CEP170B: variants seen among roughly 807,000 people sequenced by gnomAD.
The protein encoded by CEP170B is centrosomal protein of 170 kDa protein B.
A neutral mutation model predicts 120.6 loss-of-function variants in CEP170B; 55 were observed. The observed-to-expected ratio is 0.46, with a 90% CI of 0.37 to 0.57. CEP170B has a LOEUF of 0.57. CEP170B is among the 20% of genes least tolerant of loss of function. The probability of loss-of-function intolerance (pLI) is 0.00; values close to 1 mark genes in which losing one functional copy is unlikely to be tolerated. For missense variants in CEP170B, 2,212 were observed against 2,253.3 expected (o/e 0.98, Z 0.37); for synonymous variants, 1,033 against 954.5 (o/e 1.08, Z -1.52).
Position 104,887,884 on chromosome 14 carries a change from GGC to G in CEP170B, c.3646_3647del (p.Ala1216CysfsTer57). On this transcript the variant is annotated frameshift_variant, in exon 12 of 19. Coordinates refer to ENST00000414716, the MANE Select transcript of CEP170B (RefSeq NM_001112726.3). LOFTEE classifies it high-confidence loss of function. ...GCAAGCCCACCATGGCCGAAGCACG[GGC>G]TGTCTCCAGGAAGGCTGCCAACACA... Reference protein sequence around the residue: ...SRKPTMAEARAVSRKAANTAT... With the variant: ...SRKPTMAEARXVSRKAANTAT... The G allele has an allele frequency of 6.4e-7, 1 of 1,565,196 alleles. No individual in the cohort carries two copies. The highest frequency in any genetic ancestry group is 8.6e-7 in the Non-Finnish European group (1 of 1,159,802).
intron 5 of CEP170B, among the ~76,000 whole-genome samples, chr14:104,879,020 G>A (rs1896006232): frequency 6.6e-6 from 1 of 152,222 alleles, no homozygotes; most frequent in African/African-American, 2.4e-5. Context: ...CGTTCAGAGG[G>A]CCAGGAGGGT....
chr14:104,885,381 T>C lies in CEP170B; in HGVS notation c.1783T>C (p.Leu595=), dbSNP rs1284783011. 3 of 1,565,292 alleles carry C rather than the reference T, an allele frequency of 1.9e-6. No individual in the cohort carries two copies. Among genetic ancestry groups the C allele is most frequent in the South Asian group, 1.2e-5 (1 of 84,978 alleles). The change falls in exon 10 of 19, where the codon TTG becomes CTG. Residue 595 remains leucine (L), a synonymous_variant. Transcript: ENST00000414716. ...RKMIDQVFGV[L]ESPELSRASS... Reference sequence around the variant, plus strand: ...TTCCTCTTGGCAGGTCTTTGGGGTGTTGGAGTCCCCTGAACTCTCCAGGGC... The same window carrying C: ...TTCCTCTTGGCAGGTCTTTGGGGTGCTGGAGTCCCCTGAACTCTCCAGGGC...
chr14:104,879,986 C>T (rs895375412), intron 5 of CEP170B, among the ~76,000 whole-genome samples: 4 of 152,106 alleles, frequency 2.6e-5, no homozygotes, highest in South Asian at 2.1e-4. Context: ...ATGGCACAAG[C>T]GGCCCTGCTG....
rs548599735 is a variant in CEP170B, at chr14:104,886,086, G to A, written c.1991G>A (p.Arg664His). The A allele has an allele frequency of 1.2e-5, 18 of 1,546,494 alleles. No homozygotes were observed. The Admixed American group carries it at 1.8e-4, about 15-fold the overall frequency. The change falls in exon 11 of 19, where the codon CGC (arginine) becomes CAC (histidine). Residue 664 changes from arginine (R) to histidine (H), a missense_variant. Arg to His is a conservative substitution (Grantham distance 29). Transcript: ENST00000414716. ...CCTGGGGGTCAGAAGTGGGTGTCCC[G>A]CTGGGCCAGCCTGGCTGACAGCTAC... ...GSPGGQKWVS[R>H]WASLADSYSD...
upstream of CEP170B, chr14:104,865,136 C>T (rs1437675436): frequency 1.4e-5 from 2 of 147,266 alleles, no homozygotes; most frequent in African/African-American, 5.0e-5. The surrounding 1 kb of genome is among the most constrained non-coding windows in gnomAD (Gnocchi z 6.7). Flanking sequence ...GCGGGCTCAC[C>T]TGGCGGCCGC....
At chr14:104,893,384 G>GC in intron 14 of CEP170B, 139 bp from the exon 15 acceptor site, 1 of 1,164,196 alleles carries the variant, frequency 8.6e-7, no homozygotes, top group Non-Finnish European at 1.2e-6. Context: ...CCATGGCGGG[G>GC]CAGGGGCACA....
At chr14:104,872,337 TGCGTGTGTGTGCGTGTGTGTGCC>T in intron 2 of CEP170B, among the ~76,000 whole-genome samples, 1 of 116,154 alleles carries the variant, frequency 8.6e-6, no homozygotes, top group South Asian at 3.1e-4. Context: ...TGCGTGGGTG[TGCGTGTGTGTGCGTGTGTGTGCC>T]GCGTGTGTGT....
chr14:104,876,614 C>T (rs936081438), intron 3 of CEP170B, among the ~76,000 whole-genome samples: 12 of 152,194 alleles, frequency 7.9e-5, no homozygotes, highest in African/African-American at 2.9e-4. Flanking sequence ...AATCTGGCCC[C>T]TCTCCCAGAT....
At position 104,887,485 on chromosome 14, in the gene CEP170B, A is replaced by C; in HGVS notation, c.3246A>C (p.Pro1082=). Residue 1082 remains proline, a synonymous_variant, in exon 12 of 19, where the codon CCA becomes CCC. Coordinates refer to ENST00000414716, the MANE Select transcript of CEP170B (RefSeq NM_001112726.3). ...GACGGCTAGGTTCTCGCCGGAAACCAGCGGCCCCACCGCCATCCCCAGCTG... is the reference window on the plus strand; with the variant it reads ...GACGGCTAGGTTCTCGCCGGAAACCCGCGGCCCCACCGCCATCCCCAGCTG... ...GAGRLGSRRK[P]AAPPPSPAAR... 6.2e-7 allele frequency: 1 copy of C among 1,611,898 alleles called. No individual in the cohort carries two copies. The highest frequency in any genetic ancestry group is 8.5e-7 in the Non-Finnish European group (1 of 1,179,626).
At position 104,868,458 on chromosome 14, in the gene CEP170B, C is replaced by T. The variant is rs1014751713; in HGVS notation, c.8C>T (p.Ala3Val). MS[A>V]TSWFLVSSSG... is the part of the protein sequence containing the mutation. ...GGCCCAGCCAGCACCAAGATGAGTG[C>T]CACGTCCTGGTTCCTGGTGAGCAGC... Residue 3 changes from alanine to valine, a missense_variant, in exon 2 of 19, where the codon GCC becomes GTC. Physicochemically the swap from Ala to Val is moderately conservative, Grantham distance 64 (BLOSUM62 0). This residue lies in a region of CEP170B where 46 missense variants were observed against 86.6 expected (regional missense o/e 0.53). Transcript: ENST00000414716. This position sits in a 1 kb window ranked among gnomAD's most constrained non-coding sequence, Gnocchi z 5.9. 6 of 1,548,528 alleles carry T rather than the reference C, an allele frequency of 3.9e-6. No homozygotes were observed. The African/African-American group carries it at 5.5e-5, about 14-fold the overall frequency.
intron 2 of CEP170B, among the ~76,000 whole-genome samples, chr14:104,872,192 G>A (rs1461159208): frequency 1.4e-5 from 2 of 147,546 alleles, no homozygotes; most frequent in Non-Finnish European, 3.0e-5. Context: ...TGTGCTGTGT[G>A]TGTGCCGTGG....
In CEP170B at chr14:104,883,937, G is replaced by T. The variant is rs546867082; in HGVS notation, c.1158G>T (p.Leu386=). 2 of 1,603,412 alleles carry T rather than the reference G, an allele frequency of 1.2e-6. No homozygotes were observed. The highest frequency in any genetic ancestry group is 1.7e-6 in the Non-Finnish European group (2 of 1,175,550). ...AGGCCAGCGGGGAGCAGGTGCGGCT[G>T]CAGAGGCAGATCAAGCGGGACCCCC... ...PLEASGEQVR[L]QRQIKRDPQE... The change falls in exon 9 of 19, where the codon CTG becomes CTT. Residue 386 remains leucine, a synonymous_variant. Transcript: ENST00000414716.
chr14:104,893,327 C>T (rs1896940754), intron 14 of CEP170B, among the ~76,000 whole-genome samples, 192 bp downstream of exon 14: 1 of 152,238 alleles, frequency 6.6e-6, no homozygotes, highest in African/African-American at 2.4e-5. Context: ...GCGCTCGTGG[C>T]ACCTGAGTCA....
At position 104,896,303 on chromosome 14, in the gene CEP170B, C is replaced by CATTAAAAAA; in HGVS notation, c.*1346_*1347insTTAAAAAAA. 1 of 323,730 alleles carries CATTAAAAAA rather than the reference C, an allele frequency of 3.1e-6. No homozygotes were observed. Among genetic ancestry groups the CATTAAAAAA allele is most frequent in the Non-Finnish European group, 6.2e-6 (1 of 161,924 alleles). The allele number at this position is 323,730 out of a possible 1,614,324, so 20.1% of individuals were successfully genotyped here. On this transcript the variant is annotated 3_prime_UTR_variant, in exon 19 of 19. Coordinates refer to ENST00000414716, the MANE Select transcript of CEP170B (RefSeq NM_001112726.3). ...GTTCTGTTCCTCTGAGCCTGCGGCC[C>CATTAAAAAA]ACCTGATGTTTACGTGTGTGTGTGA...
Position 104,883,147 on chromosome 14 carries a change from G to C in CEP170B, c.690G>C (p.Thr230=). 1 of 1,607,382 alleles carries C rather than the reference G, an allele frequency of 6.2e-7. No individual in the cohort carries two copies. The highest frequency in any genetic ancestry group is 8.5e-7 in the Non-Finnish European group (1 of 1,178,484). The change falls in exon 8 of 19, where the codon ACG becomes ACC. Residue 230 remains threonine (T), a synonymous_variant. Transcript: ENST00000414716. ...RREPSYFEIP[T]KETPQPSQPP... ...AGCCCAGCTACTTCGAGATCCCCAC[G>C]AAGGAGACCCCGCAGCCGTCGCAGC...
Position 104,876,333 on chromosome 14 carries a change from C to T in CEP170B, c.183C>T (p.Gly61=), listed in dbSNP as rs1442350244. 2.6e-6 allele frequency: 4 copies of T among 1,550,868 alleles called. No homozygotes were observed. The highest frequency in any genetic ancestry group is 3.5e-6 in the Non-Finnish European group (4 of 1,146,802). ...ACGAGCACTGGGTGAAGGACCTGGG[C>T]AGCCTCAATGGGGTAAGTGTGAGAG... ...DRDEHWVKDL[G]SLNGTFVNDM... is the part of the protein sequence containing the mutation. Residue 61 remains glycine (G), a synonymous_variant, in exon 3 of 19, where the codon GGC becomes GGT. Coordinates refer to ENST00000414716, the MANE Select transcript of CEP170B (RefSeq NM_001112726.3).
Position 104,883,454 on chromosome 14 carries a change from G to T in CEP170B, c.997G>T (p.Asp333Tyr). The change falls in exon 8 of 19, where the codon GAT becomes TAT. Residue 333 changes from aspartate (D) to tyrosine (Y), a missense_variant. By Grantham distance (160) the Asp-to-Tyr change is radical. Around this residue, in one of 2 missense-constraint regions of CEP170B, gnomAD observed 2,166 missense variants for 2,166.7 expected, o/e 1.00. Coordinates refer to ENST00000414716, the MANE Select transcript of CEP170B (RefSeq NM_001112726.3). Reference protein sequence around the residue: ...PSLLHRVGPGDDRHSTKSDLP... With the variant: ...PSLLHRVGPGYDRHSTKSDLP... ...CCTGCTGCACCGGGTTGGCCCTGGG[G>T]ATGACCGCCACAGCACCAAGAGCGA... 8 of 1,561,544 alleles carry T rather than the reference G, an allele frequency of 5.1e-6. No individual in the cohort carries two copies. The highest frequency in any genetic ancestry group is 6.9e-6 in the Non-Finnish European group (8 of 1,154,016).
intron 2 of CEP170B, among the ~76,000 whole-genome samples, chr14:104,873,295 C>T (rs761921146): frequency 7.1e-4 from 11 of 15,588 alleles, no homozygotes; most frequent in African/African-American, 2.1e-3. Context: ...TGGTGTGGGC[C>T]GGGTGGGGTG....
intron 13 of CEP170B, among the ~76,000 whole-genome samples, chr14:104,890,206 G>C (rs1474039450): frequency 9.1e-6 from 1 of 109,870 alleles, no homozygotes; most frequent in Non-Finnish European, 1.8e-5. Flanking sequence ...AGGTGGGTGG[G>C]TGGGTGGATG....
Sources: gnomAD v4.1 joint callset for allele counts (sites outside exome capture counted in the v4.1 genomes callset) on GRCh38, gnomAD v4.1.1 for gene constraint, gnomAD v4.1.1 regional missense constraint, Gnocchi (gnomAD v3.1) non-coding constraint, MANE v1.5 for transcripts, NCBI Gene and HGNC (gene_info 2026-07-23, HGNC 2026-07-21) for gene names.